Variants in SGCZ observed in about 807,000 individuals in gnomAD.
The protein encoded by SGCZ is zeta-sarcoglycan.
Under a neutral mutation model 41.3 loss-of-function variants are expected in SGCZ, and 40 were observed. That is an observed-to-expected ratio of 0.97 (90% CI 0.75 to 1.26). The LOEUF (loss-of-function observed/expected upper bound fraction) is 1.26, where lower values mean the gene tolerates loss of function less well. Among genes scored for constraint, SGCZ ranks in the 50% most tolerant of loss-of-function variants. The probability of loss-of-function intolerance (pLI) is 0.00; values close to 1 mark genes in which losing one functional copy is unlikely to be tolerated. For synonymous variants in SGCZ, 206 were observed against 137.5 expected (o/e 1.50, Z -3.49); for missense variants, 552 against 369.8 (o/e 1.49, Z -4.04).
At chr8:14,341,937 A>C (rs561687728) in intron 2 of SGCZ, among the ~76,000 whole-genome samples, 1 of 152,302 alleles carries the variant, frequency 6.6e-6, no homozygotes, top group South Asian at 2.1e-4. Flanking sequence ...TGAAAACAGA[A>C]TAATACAGTA....
At chr8:14,873,410 G>T (rs1804237572) in intron 1 of SGCZ, among the ~76,000 whole-genome samples, 1 of 151,898 alleles carries the variant, frequency 6.6e-6, no homozygotes, top group South Asian at 2.1e-4. Context: ...GGATAACTTT[G>T]GAGACTCTAG....
At chr8:14,956,940 T>C (rs962150801) in intron 1 of SGCZ, among the ~76,000 whole-genome samples, 1 of 152,042 alleles carries the variant, frequency 6.6e-6, no homozygotes, top group Non-Finnish European at 1.5e-5. Flanking sequence ...CAAACAAACT[T>C]GGCTCTGTGT....
intron 1 of SGCZ, among the ~76,000 whole-genome samples, chr8:14,875,452 T>C (rs112587525): frequency 9.9e-5 from 15 of 152,262 alleles, no homozygotes; most frequent in African/African-American, 3.6e-4. Context: ...AGGGAGACTA[T>C]TTATTCACAG....
chr8:14,494,284 T>G (rs76167677), intron 2 of SGCZ, among the ~76,000 whole-genome samples: 3,832 of 152,214 alleles, frequency 0.025, 111 homozygotes, highest in African/African-American at 0.068. Context: ...GCTTGTGAAA[T>G]TGCTTGTTAC....
chr8:15,043,251 TAAC>T (rs1804176788), intron 1 of SGCZ, among the ~76,000 whole-genome samples: 1 of 152,192 alleles, frequency 6.6e-6, no homozygotes, highest in African/African-American at 2.4e-5. Flanking sequence ...TGTGGAAACT[TAAC>T]AAATGTGTCT....
At chr8:14,522,956 T>C (rs949459326) in intron 2 of SGCZ, among the ~76,000 whole-genome samples, 3 of 151,914 alleles carry the variant, frequency 2.0e-5, no homozygotes. Context: ...TCTATATTAA[T>C]TTTTAGTGCA....
chr8:14,846,840 C>CGGGTGGATTGCCTGAGTTCAG (rs1803129851), intron 1 of SGCZ, among the ~76,000 whole-genome samples: 1 of 151,644 alleles, frequency 6.6e-6, no homozygotes, highest in Non-Finnish European at 1.5e-5. Flanking sequence ...GAGGCCGAGT[C>CGGGTGGATTGCCTGAGTTCAG]GGGTGGATTG....
intron 1 of SGCZ, among the ~76,000 whole-genome samples, chr8:15,006,725 T>C (rs192140356): frequency 2.8e-4 from 42 of 152,214 alleles, no homozygotes; most frequent in African/African-American, 9.6e-4. Context: ...TATAAAAAAA[T>C]CTTGACGAGA....
At chr8:14,830,913 C>G (rs776159046) in intron 1 of SGCZ, among the ~76,000 whole-genome samples, 2 of 152,060 alleles carry the variant, frequency 1.3e-5, no homozygotes, top group Non-Finnish European at 2.9e-5. Context: ...CTTTCTGGAT[C>G]AAAGAAAAAT....
At chr8:14,589,321 GGATGACA>G (rs1470341154) in intron 1 of SGCZ, among the ~76,000 whole-genome samples, 3 of 145,798 alleles carry the variant, frequency 2.1e-5, no homozygotes, top group Non-Finnish European at 4.5e-5. Flanking sequence ...ACTCCAGCCT[GGATGACA>G]GAGTGAGACT....
At chr8:14,506,551 C>G (rs1314371949) in intron 2 of SGCZ, among the ~76,000 whole-genome samples, 1 of 151,938 alleles carries the variant, frequency 6.6e-6, no homozygotes, top group Non-Finnish European at 1.5e-5. Context: ...TCATGTATAC[C>G]TGGACACCTA....
chr8:14,373,190 G>A (rs925067130), intron 2 of SGCZ, among the ~76,000 whole-genome samples: 7 of 152,160 alleles, frequency 4.6e-5, no homozygotes, highest in Admixed American at 3.9e-4. Flanking sequence ...GGTTAAGCAA[G>A]AAAGAGTGGG....
In SGCZ at chr8:14,957,946, G is replaced by C. The variant is rs149757520; in HGVS notation, c.39+279639C>G. Among the ~76,000 whole-genome samples, 446 of 152,136 alleles carry C rather than the reference G, an allele frequency of 2.9e-3. 3 individuals are homozygous for C. The highest frequency in any genetic ancestry group is 0.01 in the African/African-American group (430 of 41,560). ...AAATACTTCTTATGTGCAACACTAAGAGTGTGAAATAAATTTACCAAACTA... is the reference window on the plus strand; with the variant it reads ...AAATACTTCTTATGTGCAACACTAACAGTGTGAAATAAATTTACCAAACTA... On this transcript the variant is annotated intron_variant, in intron 1 of 7. Transcript: ENST00000382080.
chr8:14,838,236 G>T (rs4596659), intron 1 of SGCZ, among the ~76,000 whole-genome samples: 60,454 of 151,772 alleles, frequency 0.4, 12,795 homozygotes, highest in African/African-American at 0.55. Flanking sequence ...ATGAATAGGG[G>T]CTAGTGTTCA....
At chr8:14,742,547 T>C (rs767737706) in intron 1 of SGCZ, among the ~76,000 whole-genome samples, 2 of 152,056 alleles carry the variant, frequency 1.3e-5, no homozygotes, top group Non-Finnish European at 2.9e-5. Context: ...GAACTAAGTG[T>C]AAACAAGCTG....
intron 3 of SGCZ, among the ~76,000 whole-genome samples, chr8:14,316,603 C>G (rs1161368535): frequency 6.6e-6 from 1 of 151,930 alleles, no homozygotes; most frequent in Non-Finnish European, 1.5e-5. Flanking sequence ...CCCGGAAACA[C>G]TTTCACCTTT....
At chr8:14,472,340 G>A (rs1314320167) in intron 2 of SGCZ, among the ~76,000 whole-genome samples, 6 of 152,020 alleles carry the variant, frequency 3.9e-5, no homozygotes, top group Non-Finnish European at 7.4e-5. Flanking sequence ...TAACTAGATT[G>A]AAAGCCAGAG....
intron 1 of SGCZ, among the ~76,000 whole-genome samples, chr8:15,151,559 A>G (rs1799180581): frequency 6.6e-6 from 1 of 152,234 alleles, no homozygotes; most frequent in Non-Finnish European, 1.5e-5. Context: ...TCTGAATAAA[A>G]TATCTTTATG....
intron 1 of SGCZ, among the ~76,000 whole-genome samples, chr8:14,656,119 G>T (rs1442916469): frequency 1.2e-4 from 19 of 152,032 alleles, no homozygotes; most frequent in Admixed American, 1.2e-3. Context: ...AAATTCCCAG[G>T]AGTGCAATTA....
Sources: gnomAD v4.1 joint callset for allele counts (sites outside exome capture counted in the v4.1 genomes callset) on GRCh38, gnomAD v4.1.1 for gene constraint, MANE v1.5 for transcripts, NCBI Gene and HGNC (gene_info 2026-07-23, HGNC 2026-07-21) for gene names.